The following APPL2 variants were observed in gnomAD, a reference collection of about 807,000 sequenced individuals.
APPL2 encodes the protein DCC-interacting protein 13-beta.
In APPL2, 84 loss-of-function variants were observed where a neutral mutation model predicts 92.7. That is an observed-to-expected ratio of 0.91 (90% CI 0.76 to 1.09). The LOEUF (loss-of-function observed/expected upper bound fraction) is 1.09, where lower values mean the gene tolerates loss of function less well. APPL2 is among the 50% of genes least tolerant of loss of function. The pLI is 0.00. For synonymous variants in APPL2, 291 were observed against 291.0 expected, an observed-to-expected ratio of 1.00 and a Z score of 0.00; for missense variants, 736 against 824.5, an observed-to-expected ratio of 0.89 and a Z score of 1.31.
Position 105,197,866 on chromosome 12 carries a change from C to A in APPL2, c.951G>T (p.Val317=). 6.2e-7 allele frequency: 1 copy of A among 1,614,174 alleles called. No homozygotes were observed. Among genetic ancestry groups the A allele is most frequent in the Non-Finnish European group, 8.5e-7 (1 of 1,180,038 alleles). The change falls in exon 11 of 21, where the codon GTG becomes GTT. Residue 317 remains valine (V), a synonymous_variant. Transcript: ENST00000258530. ...GNLMCQPRGA[V]AGGLIQDLDN... is the part of the protein sequence containing the mutation. ...CCAGGTCCTGGATCAAACCTCCAGC[C>A]ACGGCTCCCCTGGGCTGACACATGA...
At position 105,207,170 on chromosome 12, in the gene APPL2, C is replaced by A. The variant is rs770933955; in HGVS notation, c.512G>T (p.Arg171Leu). The A allele has an allele frequency of 3.7e-6, 6 of 1,613,922 alleles. No homozygotes were observed. In the South Asian group the frequency reaches 6.6e-5, roughly 18 times the overall value. ...AAGGGAGGAGAGGTGCTGCTTCCGC[C>A]GGGCCGCGGCCACCTCTTTTCCGAC... Reference protein sequence around the residue: ...TEVGKEVAAARRKQHLSSLQY... With the variant: ...TEVGKEVAAALRKQHLSSLQY... The change falls in exon 8 of 21, where the codon CGG (arginine) becomes CTG (leucine). Residue 171 changes from arginine to leucine, a missense_variant. Transcript: ENST00000258530.
At chr12:105,190,719 G>A (rs954282253) in intron 14 of APPL2, among the ~76,000 whole-genome samples, 14 of 152,236 alleles carry the variant, frequency 9.2e-5, no homozygotes, top group African/African-American at 3.1e-4. Context: ...CCGGCACCCC[G>A]CCTCCCTCCT....
At chr12:105,176,503 C>A in intron 19 of APPL2, 1 of 419,306 alleles carries the variant, frequency 2.4e-6, no homozygotes, top group East Asian at 3.8e-5. Context: ...TTGTGTGTAA[C>A]TTTTCTAATA....
chr12:105,230,435 C>T (rs1166705480), intron 1 of APPL2, among the ~76,000 whole-genome samples: 1 of 152,292 alleles, frequency 6.6e-6, no homozygotes, highest in Middle Eastern at 3.4e-3. Flanking sequence ...ATTTAAAGTA[C>T]TATGTTAGCA....
At chr12:105,198,149 T>C (rs1887830587) in intron 10 of APPL2, among the ~76,000 whole-genome samples, 196 bp from the exon 11 acceptor site, 1 of 152,182 alleles carries the variant, frequency 6.6e-6, no homozygotes. Flanking sequence ...TGGGAGATCA[T>C]GGGCTCTGCT....
intron 8 of APPL2, among the ~76,000 whole-genome samples, chr12:105,205,128 G>T (rs146144347): frequency 2.0e-5 from 3 of 152,170 alleles, no homozygotes; most frequent in Non-Finnish European, 4.4e-5. Context: ...CAGAGGCTGG[G>T]GCTCAATAAA....
At position 105,177,263 on chromosome 12, in the gene APPL2, C is replaced by G. The variant is rs766427688; in HGVS notation, c.1635-1G>C. 7 of 1,613,292 alleles carry G rather than the reference C, an allele frequency of 4.3e-6. No homozygotes were observed. Among genetic ancestry groups the G allele is most frequent in the Non-Finnish European group, 5.1e-6 (6 of 1,179,428 alleles). ...TACTTGAGTCTGTGGATCTATCAACCTGAAATTTTAAAAGATACATTATGT... is the reference window on the plus strand; with the variant it reads ...TACTTGAGTCTGTGGATCTATCAACGTGAAATTTTAAAAGATACATTATGT... On this transcript the variant is annotated splice_acceptor_variant, in intron 17 of 20. Transcript: ENST00000258530. LOFTEE classifies it high-confidence loss of function.
chr12:105,177,300 G>A, intron 17 of APPL2, 38 bp from the exon 18 acceptor site: 1 of 1,584,682 alleles, frequency 6.3e-7, no homozygotes, highest in Non-Finnish European at 8.7e-7. Context: ...ACAAATGTTG[G>A]ATAAATTTAA....
intron 20 of APPL2, among the ~76,000 whole-genome samples, chr12:105,175,724 G>C (rs1885466784): frequency 6.6e-6 from 1 of 151,970 alleles, no homozygotes; most frequent in African/African-American, 2.4e-5. Context: ...TGAGGAGCAA[G>C]GCCTTAGAGC....
chr12:105,224,889 T>C (rs1196771), intron 2 of APPL2, among the ~76,000 whole-genome samples: 103,092 of 152,078 alleles, frequency 0.68, 35,435 homozygotes, highest in African/African-American at 0.79. Context: ...TTTTTCTTTA[T>C]ATACCAAATT....
chr12:105,198,795 G>A (rs767775323), intron 10 of APPL2, among the ~76,000 whole-genome samples: 7 of 152,206 alleles, frequency 4.6e-5, no homozygotes, highest in Admixed American at 2.0e-4. Flanking sequence ...AAGAGATCAA[G>A]GCTCAGCCCA....
chr12:105,182,714 G>A (rs1320217886), intron 17 of APPL2, among the ~76,000 whole-genome samples: 1 of 152,214 alleles, frequency 6.6e-6, no homozygotes, highest in Non-Finnish European at 1.5e-5. Context: ...ACGTGGTGCT[G>A]AGAAGAATGT....
At chr12:105,203,679 G>C (rs750547164) in intron 9 of APPL2, 24 bp downstream of exon 9, 2 of 1,610,992 alleles carry the variant, frequency 1.2e-6, no homozygotes, top group South Asian at 2.2e-5. Flanking sequence ...GGGCACACAA[G>C]ACCCGGCCGG....
chr12:105,197,680 G>A, intron 11 of APPL2, 85 bp downstream of exon 11: 3 of 1,523,274 alleles, frequency 2.0e-6, no homozygotes. Context: ...CAGAGGGCTG[G>A]CACATAGGAA....
intron 17 of APPL2, 23 bp downstream of exon 17, chr12:105,188,250 T>A: frequency 6.2e-7 from 1 of 1,611,790 alleles, no homozygotes. Flanking sequence ...CATAAGAAAG[T>A]CTGAAAATAA....
intron 14 of APPL2, among the ~76,000 whole-genome samples, chr12:105,193,022 T>C (rs1200206208): frequency 1.3e-5 from 2 of 152,134 alleles, no homozygotes; most frequent in East Asian, 3.9e-4. Flanking sequence ...CTAAAAGAGA[T>C]AGTATCCCTC....
chr12:105,202,774 G>C (rs774805117), intron 9 of APPL2, among the ~76,000 whole-genome samples: 12 of 152,166 alleles, frequency 7.9e-5, no homozygotes, highest in Non-Finnish European at 1.8e-4. Flanking sequence ...CTTTCAGGTA[G>C]GGGTATATGC....
chr12:105,235,790 C>T (rs1045202840), intron 1 of APPL2, among the ~76,000 whole-genome samples, 169 bp downstream of exon 1: 4 of 152,034 alleles, frequency 2.6e-5, no homozygotes, highest in Admixed American at 6.5e-5. Context: ...GGACTCAGGG[C>T]CCGGCCCGCC....
intron 2 of APPL2, among the ~76,000 whole-genome samples, chr12:105,219,554 GATGA>G (rs1228397466): frequency 6.6e-6 from 1 of 152,214 alleles, no homozygotes; most frequent in African/African-American, 2.4e-5. Flanking sequence ...ACAAATGTTT[GATGA>G]ATGAATGAAT....
Sources: allele counts gnomAD v4.1 joint callset (sites outside exome capture counted in the v4.1 genomes callset), GRCh38; gene constraint gnomAD v4.1.1; transcripts MANE v1.5; gene names NCBI Gene and HGNC (gene_info 2026-07-23, HGNC 2026-07-21).